Variants in CACNB4 observed in about 807,000 individuals in gnomAD.
CACNB4 encodes voltage-dependent L-type calcium channel subunit beta-4.
Under a neutral mutation model 71.2 loss-of-function variants are expected in CACNB4, and 32 were observed. The observed-to-expected ratio is 0.45, with a 90% CI of 0.34 to 0.60. The LOEUF (loss-of-function observed/expected upper bound fraction) is 0.60, where lower values mean the gene tolerates loss of function less well. Among genes scored for constraint, CACNB4 ranks in the 20% least tolerant of loss-of-function variants. The pLI is 0.01. For missense variants in CACNB4, 464 were observed against 647.9 expected, an observed-to-expected ratio of 0.72 and a Z score of 3.08; for synonymous variants, 231 against 236.9, an observed-to-expected ratio of 0.97 and a Z score of 0.23.
At chr2:152,013,214 T>A (rs918368136) in intron 2 of CACNB4, among the ~76,000 whole-genome samples, 2 of 152,176 alleles carry the variant, frequency 1.3e-5, no homozygotes, top group Non-Finnish European at 2.9e-5. Flanking sequence ...CCTATAATGA[T>A]GTGTTTTTCA....
At chr2:151,907,327 A>G (rs2099855074) in intron 2 of CACNB4, among the ~76,000 whole-genome samples, 1 of 152,244 alleles carries the variant, frequency 6.6e-6, no homozygotes, top group African/African-American at 2.4e-5. Context: ...TATACTAACC[A>G]GTAAAGAAAT....
chr2:151,884,883 C>T (rs535217669), intron 2 of CACNB4, among the ~76,000 whole-genome samples: 12 of 152,256 alleles, frequency 7.9e-5, no homozygotes, highest in African/African-American at 2.9e-4. Context: ...TTTCATAAAT[C>T]ATGCACAGGT....
intron 2 of CACNB4, among the ~76,000 whole-genome samples, chr2:151,916,992 C>T (rs2099857698): frequency 6.6e-6 from 1 of 152,188 alleles, no homozygotes; most frequent in Non-Finnish European, 1.5e-5. Flanking sequence ...ACCACTAGGT[C>T]TCCTTAATAT....
At chr2:152,014,817 T>C (rs951355611) in intron 2 of CACNB4, among the ~76,000 whole-genome samples, 1 of 152,170 alleles carries the variant, frequency 6.6e-6, no homozygotes, top group Non-Finnish European at 1.5e-5. Flanking sequence ...TTCTTGTAAG[T>C]TTTGTGCCTC....
At chr2:152,036,069 G>A (rs915949002) in intron 2 of CACNB4, among the ~76,000 whole-genome samples, 4 of 152,142 alleles carry the variant, frequency 2.6e-5, no homozygotes, top group African/African-American at 9.7e-5. Flanking sequence ...TCACAAAAAA[G>A]ATACTGCATG....
intron 2 of CACNB4, among the ~76,000 whole-genome samples, chr2:152,043,421 C>A (rs545815043): frequency 6.6e-6 from 1 of 152,262 alleles, no homozygotes; most frequent in East Asian, 1.9e-4. Flanking sequence ...TTCCTGGGCT[C>A]AGGGATCCTC....
intron 2 of CACNB4, among the ~76,000 whole-genome samples, chr2:151,951,600 C>A (rs558220172): frequency 1.3e-5 from 2 of 152,104 alleles, no homozygotes; most frequent in Non-Finnish European, 2.9e-5. Flanking sequence ...GAGGTCCAGG[C>A]AAGGGGAGAC....
chr2:152,019,228 T>C (rs2105113375), intron 2 of CACNB4, among the ~76,000 whole-genome samples: 1 of 152,320 alleles, frequency 6.6e-6, no homozygotes, highest in African/African-American at 2.4e-5. Flanking sequence ...CCACACTTCT[T>C]TGCCTTCAGT....
At chr2:152,061,655 AG>A (rs1317005065) in intron 2 of CACNB4, among the ~76,000 whole-genome samples, 1 of 151,344 alleles carries the variant, frequency 6.6e-6, no homozygotes, top group African/African-American at 2.4e-5. Context: ...AAAAAAAAAA[AG>A]TTATGAATGT....
intron 2 of CACNB4, chr2:151,973,633 G>T: frequency 6.3e-7 from 1 of 1,591,144 alleles, no homozygotes; most frequent in Non-Finnish European, 8.6e-7. Flanking sequence ...AGGAAGAGGA[G>T]GGGAGAGGGA....
At chr2:152,026,139 C>A (rs577462805) in intron 2 of CACNB4, among the ~76,000 whole-genome samples, 38 of 152,294 alleles carry the variant, frequency 2.5e-4, no homozygotes, top group Non-Finnish European at 5.1e-4. Context: ...CTCTTACCTG[C>A]AGTGGGTTCA....
intron 2 of CACNB4, among the ~76,000 whole-genome samples, chr2:151,990,604 C>T (rs896694685): frequency 4.6e-5 from 7 of 152,202 alleles, no homozygotes; most frequent in African/African-American, 7.2e-5. Context: ...AAGTGCCCCC[C>T]AATCTTTTAA....
chr2:151,986,495 A>T (rs1283042604), intron 2 of CACNB4, among the ~76,000 whole-genome samples: 2 of 152,124 alleles, frequency 1.3e-5, no homozygotes, highest in African/African-American at 4.8e-5. Context: ...TCCCACTCCC[A>T]TCTCTAAGAC....
At chr2:151,985,542 C>G (rs1681307818) in intron 2 of CACNB4, among the ~76,000 whole-genome samples, 1 of 152,104 alleles carries the variant, frequency 6.6e-6, no homozygotes, top group African/African-American at 2.4e-5. Flanking sequence ...ATTTACATAC[C>G]TATTAGCTCA....
chr2:151,988,812 C>A (rs1394806189), intron 2 of CACNB4, among the ~76,000 whole-genome samples: 6 of 152,168 alleles, frequency 3.9e-5, no homozygotes, highest in Non-Finnish European at 7.3e-5. Context: ...ACTACCATCA[C>A]TTTGGGCATT....
intron 2 of CACNB4, among the ~76,000 whole-genome samples, chr2:151,978,348 G>A (rs2099874161): frequency 6.6e-6 from 1 of 152,142 alleles, no homozygotes; most frequent in Non-Finnish European, 1.5e-5. Flanking sequence ...GAAGAAGTAT[G>A]GAATCAGGGC....
intron 11 of CACNB4, 174 bp from the exon 12 acceptor site, chr2:151,853,717 G>T: frequency 2.0e-6 from 1 of 496,360 alleles, no homozygotes; most frequent in Non-Finnish European, 3.5e-6. Flanking sequence ...TTGGCTCTCA[G>T]TTCCATGGAT....
chr2:152,035,651 C>CTCTCTCTCTCTCTA (rs796161186), intron 2 of CACNB4, among the ~76,000 whole-genome samples: 140 of 118,052 alleles, frequency 1.2e-3, no homozygotes, highest in Non-Finnish European at 1.7e-3. Context: ...CTCTCTCTCT[C>CTCTCTCTCTCTCTA]TATATATATA....
At chr2:151,979,495 C>T (rs2099874357) in intron 2 of CACNB4, among the ~76,000 whole-genome samples, 1 of 151,678 alleles carries the variant, frequency 6.6e-6, no homozygotes, top group Non-Finnish European at 1.5e-5. Flanking sequence ...TTAGAAAACA[C>T]ATTCCATAAA....
Sources: allele counts gnomAD v4.1 joint callset (sites outside exome capture counted in the v4.1 genomes callset), GRCh38; gene constraint gnomAD v4.1.1; transcripts MANE v1.5; gene names NCBI Gene and HGNC (gene_info 2026-07-23, HGNC 2026-07-21).